Variants in TMEM267 observed in about 807,000 individuals in gnomAD.
TMEM267 encodes the protein transmembrane protein C5orf28.
Under a neutral mutation model 19.3 loss-of-function variants are expected in TMEM267, and 20 were observed. That is an observed-to-expected ratio of 1.04 (90% CI 0.73 to 1.51). The LOEUF (loss-of-function observed/expected upper bound fraction) is 1.51. TMEM267 is among the 40% of genes most tolerant of loss of function. The probability of loss-of-function intolerance (pLI) is 0.00; values close to 1 mark genes in which losing one functional copy is unlikely to be tolerated. For missense variants in TMEM267, 242 were observed against 261.9 expected (o/e 0.92, Z 0.52); for synonymous variants, 88 against 90.3 (o/e 0.97, Z 0.15).
rs1742139390 is a variant in TMEM267 at position 43,444,561 on chromosome 5, C to T, written c.*1661G>A. 1 of 152,182 alleles carries T rather than the reference C, an allele frequency of 6.6e-6. No homozygotes were observed. The highest frequency in any genetic ancestry group is 6.5e-5 in the Admixed American group (1 of 15,278). The allele number at this position is 152,182 out of a possible 1,614,324, so 9.4% of individuals were successfully genotyped here. A position where few individuals can be genotyped will look rare whatever the true frequency, so the allele number is the denominator to read the frequency against. ...AAGTGTTGGGATTACAGGCGTGAGC[C>T]ACCACGTCCGGTCACTATGTAGCAT... is the stretch of plus-strand genomic sequence containing the variant. On this transcript the variant is annotated 3_prime_UTR_variant, in exon 3 of 3. Coordinates refer to ENST00000397080, the MANE Select transcript of TMEM267 (RefSeq NM_022483.5).
chr5:43,475,140 A>T (rs1380716924), intron 1 of TMEM267, among the ~76,000 whole-genome samples: 1 of 152,250 alleles, frequency 6.6e-6, no homozygotes, highest in African/African-American at 2.4e-5. Flanking sequence ...CATCAGTGAT[A>T]GACTGGATAA....
chr5:43,474,320 G>A (rs1744274530), intron 1 of TMEM267, among the ~76,000 whole-genome samples: 1 of 152,172 alleles, frequency 6.6e-6, no homozygotes, highest in Admixed American at 6.5e-5. Context: ...GAGCGAACAG[G>A]CCACCTACAG....
Position 43,468,481 on chromosome 5 carries a change from G to A in TMEM267, c.-74-14438C>T, listed in dbSNP as rs181059532. ...TGGAAACAAGGCTAAGTGATTAAAGGAAAAAGGGAGAGTCTAAAAACAGGG... is the reference window on the plus strand; with the variant it reads ...TGGAAACAAGGCTAAGTGATTAAAGAAAAAAGGGAGAGTCTAAAAACAGGG... On this transcript the variant is annotated intron_variant, in intron 1 of 2. Coordinates refer to ENST00000397080, the MANE Select transcript of TMEM267 (RefSeq NM_022483.5). Among the ~76,000 whole-genome samples the A allele has an allele frequency of 2.0e-5, 3 of 152,122 alleles. No homozygotes were observed. In the East Asian group the frequency reaches 5.8e-4, roughly 29 times the overall value.
intron 1 of TMEM267, among the ~76,000 whole-genome samples, chr5:43,460,612 C>T (rs1025106678): frequency 1.2e-4 from 19 of 152,144 alleles, no homozygotes; most frequent in African/African-American, 4.6e-4. Flanking sequence ...CACCCCTCCC[C>T]TACACCCCAG....
At chr5:43,463,994 A>C (rs888201169) in intron 1 of TMEM267, among the ~76,000 whole-genome samples, 9 of 152,218 alleles carry the variant, frequency 5.9e-5, no homozygotes, top group African/African-American at 1.7e-4. Flanking sequence ...GTATTCAATT[A>C]GGAAAAGAGG....
At chr5:43,475,495 G>A (rs1013514149) in intron 1 of TMEM267, among the ~76,000 whole-genome samples, 2 of 152,060 alleles carry the variant, frequency 1.3e-5, no homozygotes, top group Admixed American at 6.6e-5. Flanking sequence ...TGCACATTCT[G>A]CACATGTACC....
intron 1 of TMEM267, among the ~76,000 whole-genome samples, chr5:43,463,051 TAAA>T (rs1285869199): frequency 7.9e-5 from 12 of 151,174 alleles, no homozygotes; most frequent in African/African-American, 2.9e-4. Flanking sequence ...GCAAGACTAA[TAAA>T]GAAGAAAAGA....
intron 2 of TMEM267, among the ~76,000 whole-genome samples, chr5:43,450,730 A>C (rs1172638190): frequency 6.6e-6 from 1 of 152,234 alleles, no homozygotes; most frequent in Non-Finnish European, 1.5e-5. Context: ...TGCTTTTAAA[A>C]ATTATAATAG....
chr5:43,476,214 C>T (rs1744412909), intron 1 of TMEM267: 1 of 152,252 alleles, frequency 6.6e-6, no homozygotes, highest in African/African-American at 2.4e-5. Flanking sequence ...GCAGCTCTGA[C>T]ATCGAAAGTG....
rs1303543434 is a variant in TMEM267, at chr5:43,446,027, T to C, written c.*195A>G. Reference sequence around the variant, plus strand: ...CTCTAATATTGCACTAGAGTTGTCATAGAAGAGAGAAGTAGAATAATAACA... The same window carrying C: ...CTCTAATATTGCACTAGAGTTGTCACAGAAGAGAGAAGTAGAATAATAACA... On this transcript the variant is annotated 3_prime_UTR_variant, in exon 3 of 3. Coordinates refer to ENST00000397080, the MANE Select transcript of TMEM267 (RefSeq NM_022483.5). 7.6e-6 allele frequency: 3 copies of C among 396,974 alleles called. No homozygotes were observed. The highest frequency in any genetic ancestry group is 4.1e-5 in the East Asian group (1 of 24,446). 24.6% of individuals were successfully genotyped at this position (396,974 alleles called of 1,614,324 possible).
intron 1 of TMEM267, among the ~76,000 whole-genome samples, chr5:43,480,797 CTTTTTTT>C (rs869260304): frequency 2.5e-5 from 2 of 79,562 alleles, no homozygotes; most frequent in East Asian, 3.0e-4. Context: ...AATAATCTTA[CTTTTTTT>C]TTTTTTTTTT....
At chr5:43,477,688 A>T (rs1479620962) in intron 1 of TMEM267, among the ~76,000 whole-genome samples, 2 of 151,900 alleles carry the variant, frequency 1.3e-5, no homozygotes, top group East Asian at 3.9e-4. Context: ...TCCTGTCACC[A>T]GGTATTTCCA....
intron 1 of TMEM267, among the ~76,000 whole-genome samples, chr5:43,460,166 C>T (rs1743176343): frequency 6.6e-6 from 1 of 152,152 alleles, no homozygotes; most frequent in Non-Finnish European, 1.5e-5. Flanking sequence ...AGGTGGAGCT[C>T]AGGCAGTAAT....
intron 1 of TMEM267, among the ~76,000 whole-genome samples, chr5:43,458,538 G>A (rs1743082488): frequency 6.6e-6 from 1 of 152,204 alleles, no homozygotes. Context: ...GATTAAAAAG[G>A]AGAATAAAGA....
intron 1 of TMEM267, among the ~76,000 whole-genome samples, chr5:43,458,997 T>C (rs903701053): frequency 2.9e-5 from 3 of 102,226 alleles, no homozygotes; most frequent in South Asian, 5.1e-4. Context: ...AGAGTTTCTA[T>C]GTCAAAAAAA....
chr5:43,446,792 T>C (rs1326420446), intron 2 of TMEM267, among the ~76,000 whole-genome samples: 1 of 152,046 alleles, frequency 6.6e-6, no homozygotes, highest in African/African-American at 2.4e-5. Context: ...AATATGGTGA[T>C]TAATTTTTTA....
chr5:43,445,016 C>G lies in TMEM267; in HGVS notation c.*1206G>C, dbSNP rs1742166991. ...CTCCATCTTTCCTCAGAGAATAAGG[C>G]ACCAATCACTAACATTATAAATCAC... On this transcript the variant is annotated 3_prime_UTR_variant, in exon 3 of 3. Coordinates refer to ENST00000397080, the MANE Select transcript of TMEM267 (RefSeq NM_022483.5). 6.6e-6 allele frequency: 1 copy of G among 152,090 alleles called. No homozygotes were observed. The highest frequency in any genetic ancestry group is 2.4e-5 in the African/African-American group (1 of 41,420). The allele number at this position is 152,090 out of a possible 1,614,324, so 9.4% of individuals were successfully genotyped here.
intron 1 of TMEM267, among the ~76,000 whole-genome samples, chr5:43,483,397 G>C (rs1282701567): frequency 6.6e-6 from 1 of 152,188 alleles, no homozygotes; most frequent in Non-Finnish European, 1.5e-5. Context: ...CACACTCTCA[G>C]CATTCAAGCC....
At chr5:43,453,363 T>C (rs1044183097) in intron 2 of TMEM267, among the ~76,000 whole-genome samples, 1 of 152,240 alleles carries the variant, frequency 6.6e-6, no homozygotes, top group South Asian at 2.1e-4. Flanking sequence ...GGTTTGCTAA[T>C]ACTTTCTTCA....
Sources: gnomAD v4.1 joint callset for allele counts (sites outside exome capture counted in the v4.1 genomes callset) on GRCh38, gnomAD v4.1.1 for gene constraint, MANE v1.5 for transcripts, NCBI Gene and HGNC (gene_info 2026-07-23, HGNC 2026-07-21) for gene names.